Variants in HPSE2 observed in about 807,000 individuals in gnomAD.
The protein encoded by HPSE2 is inactive heparanase-2.
HPSE2 carries 38 observed loss-of-function variants against 60.5 expected under a neutral mutation model. That is an observed-to-expected ratio of 0.63 (90% CI 0.48 to 0.82). The LOEUF (loss-of-function observed/expected upper bound fraction) is 0.82. Among genes scored for constraint, HPSE2 ranks in the 40% least tolerant of loss-of-function variants. HPSE2 has a pLI of 0.00. For synonymous variants in HPSE2, 295 were observed against 293.2 expected (o/e 1.01, Z -0.06); for missense variants, 713 against 740.4 (o/e 0.96, Z 0.43).
chr10:99,244,456 G>A, the HPSE2 span, among the ~76,000 whole-genome samples: 1 of 147,712 alleles, frequency 6.8e-6, no homozygotes, highest in Non-Finnish European at 1.5e-5. Context: ...ACCCAGGCTG[G>A]AGCGCAATGG....
intron 9 of HPSE2, among the ~76,000 whole-genome samples, chr10:98,595,883 C>A (rs1047813553): frequency 3.9e-5 from 6 of 152,064 alleles, no homozygotes; most frequent in Non-Finnish European, 5.9e-5. Flanking sequence ...TCTTTGTATA[C>A]CTAATTGTTG....
In HPSE2 at chr10:98,968,777, T is replaced by C. The variant is rs181809051; in HGVS notation, c.610+175461A>G. On this transcript the variant is annotated intron_variant, in intron 3 of 11. Transcript: ENST00000370552. ...ACCAAATATTTTATGTTTTCACTTA[T>C]ATGTGGGAGCTAAGCTATGAGGATG... 8.5e-5 allele frequency among the ~76,000 whole-genome samples: 13 copies of C among 152,180 alleles called. 1 individual carries two copies. The East Asian group carries it at 2.5e-3, about 29-fold the overall frequency.
intron 1 of HPSE2, 58 bp from the exon 2 acceptor site, chr10:99,232,563 G>T: frequency 1.3e-6 from 2 of 1,535,890 alleles, no homozygotes; most frequent in African/African-American, 1.4e-5. Context: ...GAGCGCGTGG[G>T]GCACGGAGAA....
chr10:99,234,330 G>C (rs764825217), intron 1 of HPSE2, among the ~76,000 whole-genome samples: 13 of 152,172 alleles, frequency 8.5e-5, no homozygotes, highest in Non-Finnish European at 1.6e-4. Flanking sequence ...CCGGGCCAGG[G>C]GGACAACCCC....
chr10:98,865,124 CTAG>C (rs1159772769), intron 3 of HPSE2, among the ~76,000 whole-genome samples: 1 of 152,002 alleles, frequency 6.6e-6, no homozygotes, highest in African/African-American at 2.4e-5. Context: ...AATCATACTC[CTAG>C]TTAGGAGAGG....
intron 10 of HPSE2, among the ~76,000 whole-genome samples, chr10:98,488,515 G>T: frequency 6.6e-6 from 1 of 152,206 alleles, no homozygotes; most frequent in East Asian, 1.9e-4. Flanking sequence ...TCGAGATCAC[G>T]TGAGGAGGCT....
rs537830741 is a variant in HPSE2, at chr10:99,120,205, G to C, written c.610+24033C>G. Among the ~76,000 whole-genome samples, 9 of 152,088 alleles carry C rather than the reference G, an allele frequency of 5.9e-5. No homozygotes were observed. In the South Asian group the frequency reaches 1.9e-3, roughly 32 times the overall value. On this transcript the variant is annotated intron_variant, in intron 3 of 11. Coordinates refer to ENST00000370552, the MANE Select transcript of HPSE2 (RefSeq NM_021828.5). ...TTTGCAAACTATGCATCCGACAAAG[G>C]TTTAATATCCAGCATCTATAAGGAA...
intron 3 of HPSE2, among the ~76,000 whole-genome samples, chr10:98,878,843 G>A (rs1265529072): frequency 6.6e-6 from 1 of 151,906 alleles, no homozygotes; most frequent in Admixed American, 6.6e-5. Flanking sequence ...CATTTAGGAA[G>A]CTAATGCAAA....
the HPSE2 span, among the ~76,000 whole-genome samples, chr10:99,283,991 C>A: frequency 1.2e-4 from 6 of 50,358 alleles, no homozygotes; most frequent in Admixed American, 7.2e-4. Flanking sequence ...TAAAACTATT[C>A]CAAAAAACTT....
intron 3 of HPSE2, among the ~76,000 whole-genome samples, chr10:98,926,715 A>C (rs1240215843): frequency 6.6e-6 from 1 of 152,246 alleles, no homozygotes; most frequent in Non-Finnish European, 1.5e-5. Context: ...AAAAAATTTT[A>C]AAAGGCAGTG....
chr10:98,808,197 C>A (rs1358734864), intron 3 of HPSE2, among the ~76,000 whole-genome samples: 1 of 152,056 alleles, frequency 6.6e-6, no homozygotes, highest in Admixed American at 6.6e-5. Flanking sequence ...TTCTGAACCC[C>A]AAAAGAAGCA....
At chr10:98,869,189 T>C (rs1049444098) in intron 3 of HPSE2, among the ~76,000 whole-genome samples, 1 of 152,180 alleles carries the variant, frequency 6.6e-6, no homozygotes, top group African/African-American at 2.4e-5. Flanking sequence ...TAAGAAAGTA[T>C]CTTAAAGTAT....
intron 3 of HPSE2, among the ~76,000 whole-genome samples, chr10:98,919,867 A>T (rs1320614817): frequency 6.6e-6 from 1 of 152,182 alleles, no homozygotes; most frequent in East Asian, 1.9e-4. Context: ...TAGGAAAAAA[A>T]TATCACTGAA....
At chr10:98,966,161 G>C (rs562490552) in intron 3 of HPSE2, among the ~76,000 whole-genome samples, 16 of 152,292 alleles carry the variant, frequency 1.1e-4, no homozygotes, top group African/African-American at 3.6e-4. Flanking sequence ...AAAGTGCTGG[G>C]CTTACAGGCG....
intron 9 of HPSE2, among the ~76,000 whole-genome samples, chr10:98,545,651 A>G (rs1233391485): frequency 6.6e-6 from 1 of 152,224 alleles, no homozygotes; most frequent in African/African-American, 2.4e-5. Flanking sequence ...GATGGGACGT[A>G]TCTCAAAAAA....
At chr10:98,893,559 C>A (rs1178701734) in intron 3 of HPSE2, among the ~76,000 whole-genome samples, 1 of 152,004 alleles carries the variant, frequency 6.6e-6, no homozygotes, top group South Asian at 2.1e-4. Flanking sequence ...GCCTGAACTC[C>A]ATTTCTAGAT....
intron 2 of HPSE2, among the ~76,000 whole-genome samples, chr10:99,165,081 C>CAAAAAA (rs56263581): frequency 4.6e-5 from 3 of 65,754 alleles, no homozygotes; most frequent in African/African-American, 6.1e-5. Flanking sequence ...GACTCGGTCT[C>CAAAAAA]AAAAAAAAAA....
intron 7 of HPSE2, among the ~76,000 whole-genome samples, chr10:98,635,837 A>G (rs55947737): frequency 0.019 from 2,924 of 151,998 alleles, 46 homozygotes; most frequent in Non-Finnish European, 0.028. Flanking sequence ...GCGGAATACT[A>G]TTGAGCCATA....
chr10:99,099,841 C>G (rs1419258839), intron 3 of HPSE2, among the ~76,000 whole-genome samples: 1 of 152,164 alleles, frequency 6.6e-6, no homozygotes, highest in African/African-American at 2.4e-5. Flanking sequence ...CAGCAATATT[C>G]ACCGTTCTGC....
Sources: gnomAD v4.1 joint callset for allele counts (sites outside exome capture counted in the v4.1 genomes callset) on GRCh38, gnomAD v4.1.1 for gene constraint, MANE v1.5 for transcripts, NCBI Gene and HGNC (gene_info 2026-07-23, HGNC 2026-07-21) for gene names.